The following NRXN3 variants were observed in gnomAD, a reference collection of about 807,000 sequenced individuals.
NRXN3 encodes neurexin 3.
Under a neutral mutation model 137.6 loss-of-function variants are expected in NRXN3, and 32 were observed. That is an observed-to-expected ratio of 0.23 (90% CI 0.18 to 0.31). The LOEUF is 0.31. Among genes scored for constraint, NRXN3 ranks in the 10% least tolerant of loss-of-function variants. The pLI is 1.00. For missense variants in NRXN3, 1,574 were observed against 2,062.5 expected, an observed-to-expected ratio of 0.76 and a Z score of 4.59; for synonymous variants, 798 against 784.5, an observed-to-expected ratio of 1.02 and a Z score of -0.29.
intron 4 of NRXN3, among the ~76,000 whole-genome samples, chr14:78,636,265 A>G (rs1216596601): frequency 6.6e-6 from 1 of 152,124 alleles, no homozygotes; most frequent in Non-Finnish European, 1.5e-5. Flanking sequence ...AATTAAACTC[A>G]GCTACTCAGC....
chr14:79,058,938 C>T (rs2099669940), intron 15 of NRXN3, among the ~76,000 whole-genome samples: 1 of 152,146 alleles, frequency 6.6e-6, no homozygotes, highest in Non-Finnish European at 1.5e-5. Flanking sequence ...TGAGGCTTCC[C>T]CAGCCATGTG....
At chr14:79,287,640 T>A (rs936054392) in intron 15 of NRXN3, among the ~76,000 whole-genome samples, 2 of 152,142 alleles carry the variant, frequency 1.3e-5, no homozygotes, top group Non-Finnish European at 2.9e-5. Context: ...GAGCACAATA[T>A]TATGCCAGAA....
At chr14:78,220,750 TG>T (rs1397711025) in intron 1 of NRXN3, among the ~76,000 whole-genome samples, 2 of 151,788 alleles carry the variant, frequency 1.3e-5, no homozygotes, top group East Asian at 3.9e-4. Flanking sequence ...GAAAGAGCAC[TG>T]GGGATAAGTC....
rs543234855 is a variant in NRXN3 at position 78,558,255 on chromosome 14, C to G, written c.758-86865C>G. 2.4e-4 allele frequency among the ~76,000 whole-genome samples: 36 copies of G among 152,322 alleles called. 1 individual carries two copies. The South Asian group carries it at 7.0e-3, about 30-fold the overall frequency. Reference sequence around the variant, plus strand: ...CATGTGACTTCAGCACTCCCTTCCCCCTTCCAACAGCTTCATGACCATCCT... The same window carrying G: ...CATGTGACTTCAGCACTCCCTTCCCGCTTCCAACAGCTTCATGACCATCCT... On this transcript the variant is annotated intron_variant, in intron 4 of 20. Coordinates refer to ENST00000335750, the MANE Select transcript of NRXN3 (RefSeq NM_001330195.2).
intron 14 of NRXN3, among the ~76,000 whole-genome samples, chr14:78,970,364 A>G (rs1304399590): frequency 6.6e-6 from 1 of 152,158 alleles, no homozygotes; most frequent in Admixed American, 6.5e-5. Flanking sequence ...ATATTATTTC[A>G]GAATGTAATA....
chr14:79,120,712 T>G (rs2055262982), intron 15 of NRXN3, among the ~76,000 whole-genome samples: 1 of 152,198 alleles, frequency 6.6e-6, no homozygotes, highest in South Asian at 2.1e-4. Flanking sequence ...ACATATTTTA[T>G]TTTTGTAATG....
intron 15 of NRXN3, among the ~76,000 whole-genome samples, chr14:79,186,323 T>C (rs2063540219): frequency 6.6e-6 from 1 of 152,200 alleles, no homozygotes; most frequent in Non-Finnish European, 1.5e-5. Flanking sequence ...AAAATTTTGC[T>C]TTACTGTGGG....
At chr14:78,325,017 A>G (rs115754767) in intron 4 of NRXN3, among the ~76,000 whole-genome samples, 2,015 of 152,138 alleles carry the variant, frequency 0.013, 70 homozygotes, top group African/African-American at 0.046. Context: ...ATAGTATAAG[A>G]GGTCAGCAGT....
At chr14:79,473,151 G>A (rs181201302) in intron 16 of NRXN3, among the ~76,000 whole-genome samples, 427 of 152,064 alleles carry the variant, frequency 2.8e-3, no homozygotes, top group African/African-American at 9.6e-3. Flanking sequence ...ACGAGGATGA[G>A]GGGCAGACAA....
chr14:79,383,041 C>T (rs2094513775), intron 15 of NRXN3, among the ~76,000 whole-genome samples: 1 of 151,984 alleles, frequency 6.6e-6, no homozygotes, highest in Non-Finnish European at 1.5e-5. Flanking sequence ...TACTGAAAAA[C>T]TTTTGATGAT....
intron 15 of NRXN3, among the ~76,000 whole-genome samples, chr14:79,081,483 A>G (rs770463416): frequency 3.3e-5 from 5 of 152,052 alleles, no homozygotes; most frequent in African/African-American, 1.2e-4. Flanking sequence ...GTGTGGTGGC[A>G]TGCACCTGTA....
chr14:79,735,143 C>G (rs1034856940), intron 19 of NRXN3, among the ~76,000 whole-genome samples: 1 of 152,172 alleles, frequency 6.6e-6, no homozygotes, highest in Non-Finnish European at 1.5e-5. Context: ...TTAGGTTTAT[C>G]AAATCTCTCT....
At position 79,788,819 on chromosome 14, in the gene NRXN3, C is replaced by T. The variant is rs1366067229; in HGVS notation, c.4015-16293C>T. 3.9e-5 allele frequency among the ~76,000 whole-genome samples: 6 copies of T among 152,242 alleles called. No individual in the cohort carries two copies. In the East Asian group the frequency reaches 1.2e-3, roughly 29 times the overall value. On this transcript the variant is annotated intron_variant, in intron 19 of 20. Coordinates refer to ENST00000335750, the MANE Select transcript of NRXN3 (RefSeq NM_001330195.2). ...ATGCTAAAGGGAGCATTTTATTTTT[C>T]AGCCTTGGGATCAGAAAAACATTAC...
chr14:79,828,642 T>C (rs1235321925), intron 20 of NRXN3, among the ~76,000 whole-genome samples: 5 of 75,142 alleles, frequency 6.7e-5, no homozygotes, highest in Non-Finnish European at 2.5e-5. Context: ...AAAAAAAAAG[T>C]AAAATTGTCT....
intron 1 of NRXN3, among the ~76,000 whole-genome samples, chr14:78,185,509 C>T (rs923442774): frequency 6.6e-6 from 1 of 152,058 alleles, no homozygotes; most frequent in Non-Finnish European, 1.5e-5. Flanking sequence ...TCTGAAGAAC[C>T]TGGAATGGTA....
At chr14:79,002,356 G>T (rs970136821) in intron 15 of NRXN3, among the ~76,000 whole-genome samples, 6 of 151,988 alleles carry the variant, frequency 3.9e-5, no homozygotes, top group Admixed American at 3.9e-4. Flanking sequence ...TTTTCCTAAT[G>T]CTCTCCCTCC....
chr14:78,183,119 C>T (rs2059954730), intron 1 of NRXN3, among the ~76,000 whole-genome samples: 1 of 152,156 alleles, frequency 6.6e-6, no homozygotes, highest in Non-Finnish European at 1.5e-5. Flanking sequence ...CAAGGGACGT[C>T]TTTAGGGCAT....
At chr14:78,549,398 C>T (rs576456235) in intron 4 of NRXN3, among the ~76,000 whole-genome samples, 5 of 152,302 alleles carry the variant, frequency 3.3e-5, no homozygotes, top group African/African-American at 1.2e-4. Context: ...CATTTCAGCT[C>T]AGGTGTCAAC....
At chr14:78,579,586 G>A (rs17107882) in intron 4 of NRXN3, among the ~76,000 whole-genome samples, 10,945 of 151,944 alleles carry the variant, frequency 0.072, 660 homozygotes, top group African/African-American at 0.16. Context: ...CTGGAGGCAC[G>A]TGGTTATATG....
Sources: allele counts gnomAD v4.1 joint callset (sites outside exome capture counted in the v4.1 genomes callset), GRCh38; gene constraint gnomAD v4.1.1; transcripts MANE v1.5; gene names NCBI Gene and HGNC (gene_info 2026-07-23, HGNC 2026-07-21).